Variants in COL17A1 observed in about 807,000 individuals in gnomAD.
COL17A1 encodes the protein collagen type XVII alpha 1 chain.
In COL17A1, 181 loss-of-function variants were observed where a neutral mutation model predicts 218.4. That is an observed-to-expected ratio of 0.83 (90% confidence interval 0.73 to 0.94). COL17A1 has a LOEUF of 0.94. Among genes scored for constraint, COL17A1 ranks in the 40% least tolerant of loss-of-function variants. The pLI, the probability that COL17A1 is intolerant of heterozygous loss-of-function variation, is 0.00. For missense variants in COL17A1, 1,924 were observed against 1,945.9 expected, an observed-to-expected ratio of 0.99 and a Z score of 0.21; for synonymous variants, 721 against 731.0, an observed-to-expected ratio of 0.99 and a Z score of 0.22.
chr10:104,074,376 A>G, intron 5 of COL17A1, 145 bp from the exon 6 acceptor site: 2 of 1,186,618 alleles, frequency 1.7e-6, no homozygotes, highest in Non-Finnish European at 2.5e-6. Context: ...TTCAGCATGC[A>G]TGTCAAAGGA....
intron 31 of COL17A1, among the ~76,000 whole-genome samples, chr10:104,047,040 G>A (rs1283996338): frequency 6.6e-6 from 1 of 152,170 alleles, no homozygotes; most frequent in Non-Finnish European, 1.5e-5. Flanking sequence ...TTTGGAATCT[G>A]AGGAGAGCCA....
At chr10:104,050,423 C>T (rs1358261109) in intron 27 of COL17A1, among the ~76,000 whole-genome samples, 198 bp downstream of exon 27, 1 of 152,154 alleles carries the variant, frequency 6.6e-6, no homozygotes, top group Non-Finnish European at 1.5e-5. Context: ...GAGAAACACT[C>T]ACCACCCCAG....
chr10:104,069,640 A>G (rs1410557654), intron 9 of COL17A1, among the ~76,000 whole-genome samples: 2 of 152,194 alleles, frequency 1.3e-5, no homozygotes, highest in African/African-American at 4.8e-5. Context: ...TCTTCCTACT[A>G]TGGAAACCAA....
In COL17A1 at chr10:104,080,589, A is replaced by C. The variant is rs761846808; in HGVS notation, c.52+33T>G. The C allele has an allele frequency of 1.4e-5, 23 of 1,608,910 alleles. 1 individual carries two copies. The South Asian group carries it at 2.5e-4, about 18-fold the overall frequency. On this transcript the variant is annotated intron_variant, in intron 2 of 55. Coordinates refer to ENST00000648076, the MANE Select transcript of COL17A1 (RefSeq NM_000494.4). ...CAAATTTTTATTACTTTCATAATAAAACACATAAATTAAAAAATTCTGATG... is the reference window on the plus strand; with the variant it reads ...CAAATTTTTATTACTTTCATAATAACACACATAAATTAAAAAATTCTGATG...
chr10:104,037,045 G>A lies in COL17A1; in HGVS notation c.3277C>T (p.Arg1093Trp). 2 of 1,604,394 alleles carry A rather than the reference G, an allele frequency of 1.2e-6. No homozygotes were observed. The highest frequency in any genetic ancestry group is 1.7e-6 in the Non-Finnish European group (2 of 1,176,318). The stretch of plus-strand genomic sequence containing the variant: ...CTCGATCCCCCCACAGGTGACTCAC[G>A]CTGCAGCACAGCCAGAATGTCTTCA... Reference protein sequence around the residue: ...SSEDILAVLQRDDVRQYLRQY... With the variant: ...SSEDILAVLQWDDVRQYLRQY... The change falls in exon 47 of 56, where the codon CGG becomes TGG. Residue 1093 changes from arginine to tryptophan, a missense_variant and splice_region_variant. Arg to Trp is a moderately radical substitution (Grantham distance 101). Coordinates refer to ENST00000648076, the MANE Select transcript of COL17A1 (RefSeq NM_000494.4).
intron 17 of COL17A1, among the ~76,000 whole-genome samples, chr10:104,056,305 A>G (rs1316499309): frequency 1.3e-5 from 2 of 152,178 alleles, no homozygotes; most frequent in Non-Finnish European, 2.9e-5. Context: ...ATGGCTGGCC[A>G]GGCGCGGTGG....
intron 48 of COL17A1, 120 bp from the exon 49 acceptor site, chr10:104,035,683 T>C: frequency 1.3e-6 from 1 of 792,682 alleles, no homozygotes; most frequent in Non-Finnish European, 2.0e-6. Flanking sequence ...AAAGAGATGG[T>C]GGCAGGAAGA....
At chr10:104,055,720 A>G (rs2086516316) in intron 18 of COL17A1, 62 bp downstream of exon 18, 1 of 1,599,644 alleles carries the variant, frequency 6.3e-7, no homozygotes, top group African/African-American at 1.3e-5. Flanking sequence ...CACACATACC[A>G]CATAGATGCA....
intron 11 of COL17A1, 107 bp from the exon 12 acceptor site, chr10:104,062,436 C>A (rs1306800471): frequency 3.4e-6 from 5 of 1,464,254 alleles, no homozygotes; most frequent in Non-Finnish European, 4.8e-6. Flanking sequence ...ATGGTTTTGC[C>A]AACAGATTCC....
At chr10:104,072,161 T>C in intron 7 of COL17A1, 82 bp from the exon 8 acceptor site, 1 of 1,591,026 alleles carries the variant, frequency 6.3e-7, no homozygotes, top group Non-Finnish European at 8.6e-7. Context: ...TAGCAGCAGA[T>C]GGCCCTTTAG....
At chr10:104,073,996 G>A (rs1000957940) in intron 6 of COL17A1, 188 bp downstream of exon 6, 4 of 787,316 alleles carry the variant, frequency 5.1e-6, no homozygotes, top group African/African-American at 3.5e-5. Context: ...GCAAGTTAAT[G>A]TGGCTGATAG....
At chr10:104,050,984 A>G in intron 25 of COL17A1, 83 bp from the exon 26 acceptor site, 1 of 1,601,238 alleles carries the variant, frequency 6.2e-7, no homozygotes, top group Non-Finnish European at 8.5e-7. Flanking sequence ...ACATGCACAC[A>G]TACAGGCACA....
intron 7 of COL17A1, among the ~76,000 whole-genome samples, 163 bp downstream of exon 7, chr10:104,073,047 C>T (rs939727789): frequency 2.6e-5 from 4 of 152,106 alleles, no homozygotes; most frequent in African/African-American, 4.8e-5. Flanking sequence ...CCGATAGAGC[C>T]GGTGGAAGAT....
Position 104,032,923 on chromosome 10 carries a change from C to T in COL17A1, c.4340G>A (p.Gly1447Asp). Residue 1447 changes from glycine (G) to aspartate (D), a missense_variant, in exon 54 of 56, where the codon GGC (glycine) becomes GAC (aspartate). By Grantham distance (94) the Gly-to-Asp change is moderately conservative. Transcript: ENST00000648076. ...QGPPGQKGEMGTPGPKGDRGP... is the reference protein window; with the variant it reads ...QGPPGQKGEMDTPGPKGDRGP... The stretch of plus-strand genomic sequence containing the variant: ...CCACTTACCTTTGGGTCCTGGAGTG[C>T]CCATCTCTCCTTTTTGCCCAGGGGG... 1 of 1,614,126 alleles carries T rather than the reference C, an allele frequency of 6.2e-7. No homozygotes were observed. The highest frequency in any genetic ancestry group is 8.5e-7 in the Non-Finnish European group (1 of 1,180,010).
chr10:104,039,181 C>T, intron 43 of COL17A1, 60 bp from the exon 44 acceptor site: 1 of 1,534,308 alleles, frequency 6.5e-7, no homozygotes, highest in Non-Finnish European at 9.0e-7. Flanking sequence ...CTGGTTAAGC[C>T]AAACCACACT....
chr10:104,051,575 GCC>G, intron 24 of COL17A1, 59 bp from the exon 25 acceptor site: 1 of 1,602,802 alleles, frequency 6.2e-7, no homozygotes, highest in Non-Finnish European at 8.5e-7. Flanking sequence ...GGGACATCTG[GCC>G]CCGGTGCAGG....
intron 40 of COL17A1, 79 bp from the exon 41 acceptor site, chr10:104,040,078 TA>T: frequency 2.0e-6 from 3 of 1,501,780 alleles, no homozygotes; most frequent in Middle Eastern, 3.4e-4. Context: ...GAGGAGGGGA[TA>T]GGGGCTCCAA....
chr10:104,056,399 A>G lies in COL17A1; in HGVS notation c.1466-396T>C, dbSNP rs772517463. ...AAATCGAGACCATCCTGGCTAACAC[A>G]GTGAAACCCCATCTCTACTAAAAAT... On this transcript the variant is annotated intron_variant, in intron 17 of 55. Transcript: ENST00000648076. Among the ~76,000 whole-genome samples the G allele has an allele frequency of 2.1e-4, 32 of 152,126 alleles. No individual in the cohort carries two copies. The Middle Eastern group carries it at 0.017, about 81-fold the overall frequency.
At chr10:104,052,268 G>T (rs1450493655) in intron 23 of COL17A1, 51 bp from the exon 24 acceptor site, 2 of 1,609,860 alleles carry the variant, frequency 1.2e-6, no homozygotes, top group South Asian at 1.1e-5. Context: ...CAGTGTGGCT[G>T]CCCCCTATCC....
Sources: gnomAD v4.1 joint callset for allele counts (sites outside exome capture counted in the v4.1 genomes callset) on GRCh38, gnomAD v4.1.1 for gene constraint, MANE v1.5 for transcripts, NCBI Gene and HGNC (gene_info 2026-07-23, HGNC 2026-07-21) for gene names.